The following AGPAT5 variants were observed in gnomAD, a reference collection of about 807,000 sequenced individuals.
AGPAT5 encodes 1-acylglycerol-3-phosphate O-acyltransferase 5.
In AGPAT5, 46 loss-of-function variants were observed where a neutral mutation model predicts 45.6. The observed-to-expected ratio is 1.01, with a 90% CI of 0.80 to 1.29. The LOEUF is 1.29. Ranked by LOEUF, AGPAT5 falls within the 50% of genes most tolerant of loss-of-function variation. The probability of loss-of-function intolerance (pLI) is 0.00; values close to 1 mark genes in which losing one functional copy is unlikely to be tolerated. For missense variants in AGPAT5, 673 were observed against 450.7 expected (o/e 1.49, Z -4.47); for synonymous variants, 272 against 167.0 (o/e 1.63, Z -4.85).
At chr8:6,717,708 C>T (rs28640978) in intron 1 of AGPAT5, among the ~76,000 whole-genome samples, 3,397 of 152,246 alleles carry the variant, frequency 0.022, 126 homozygotes, top group African/African-American at 0.078. Flanking sequence ...GTAGTTAACG[C>T]CAGCTCTTGG....
intron 4 of AGPAT5, 90 bp downstream of exon 4, chr8:6,732,740 G>T (rs147468529): frequency 2.6e-6 from 3 of 1,168,524 alleles, no homozygotes. Flanking sequence ...TTTTGACAAT[G>T]TATTTTCCCA....
In AGPAT5 at chr8:6,747,711, G is replaced by T; in HGVS notation, c.628G>T (p.Ala210Ser). 1 of 1,614,166 alleles carries T rather than the reference G, an allele frequency of 6.2e-7. No homozygotes were observed. Among genetic ancestry groups the T allele is most frequent in the Non-Finnish European group, 8.5e-7 (1 of 1,180,020 alleles). Residue 210 changes from alanine to serine, a missense_variant, in exon 6 of 8, where the codon GCA (alanine) becomes TCA (serine). By Grantham distance (99) the Ala-to-Ser change is moderately conservative. Coordinates refer to ENST00000285518, the MANE Select transcript of AGPAT5 (RefSeq NM_018361.5). Reference protein sequence around the residue: ...LKHVLTPRIKATHVAFDCMKN... With the variant: ...LKHVLTPRIKSTHVAFDCMKN... Reference sequence around the variant, plus strand: ...ACATGTGCTAACACCACGAATAAAGGCAACTCACGTTGCTTTTGATTGCAT... The same window carrying T: ...ACATGTGCTAACACCACGAATAAAGTCAACTCACGTTGCTTTTGATTGCAT...
chr8:6,757,096 G>C, intron 7 of AGPAT5, 67 bp from the exon 8 acceptor site: 2 of 1,230,578 alleles, frequency 1.6e-6, no homozygotes, highest in Non-Finnish European at 2.3e-6. Flanking sequence ...ATAGCTACCT[G>C]ATTGATATTT....
chr8:6,738,769 G>A (rs747411038), intron 4 of AGPAT5, among the ~76,000 whole-genome samples: 148 of 152,158 alleles, frequency 9.7e-4, no homozygotes, highest in Admixed American at 1.7e-3. Flanking sequence ...TTTTGAGTAC[G>A]TGTGTTTTTT....
At chr8:6,753,871 C>G (rs1308307253) in intron 6 of AGPAT5, among the ~76,000 whole-genome samples, 1 of 152,176 alleles carries the variant, frequency 6.6e-6, no homozygotes, top group East Asian at 1.9e-4. Context: ...CACCTAAATG[C>G]TGCATGTTAC....
intron 5 of AGPAT5, 134 bp downstream of exon 5, chr8:6,741,885 A>G: frequency 4.7e-6 from 3 of 632,452 alleles, no homozygotes; most frequent in South Asian, 2.1e-5. Flanking sequence ...TAGTGTACAT[A>G]TTATCTCTTA....
At chr8:6,733,290 C>A (rs116047087) in intron 4 of AGPAT5, among the ~76,000 whole-genome samples, 1 of 152,154 alleles carries the variant, frequency 6.6e-6, no homozygotes, top group Non-Finnish European at 1.5e-5. Flanking sequence ...AAGCTTAGCT[C>A]GTGTGCACAG....
chr8:6,733,656 T>C (rs1209484502), intron 4 of AGPAT5, among the ~76,000 whole-genome samples: 2 of 152,202 alleles, frequency 1.3e-5, no homozygotes, highest in Non-Finnish European at 2.9e-5. Context: ...TTGTGGTCAT[T>C]GCATGTAGGT....
chr8:6,745,726 T>C (rs1801424888), intron 5 of AGPAT5: 1 of 151,990 alleles, frequency 6.6e-6, no homozygotes, highest in Admixed American at 6.6e-5. Flanking sequence ...TTTTTTTTTT[T>C]AATGTGGATG....
At chr8:6,710,089 G>C (rs1800101161) in intron 1 of AGPAT5, among the ~76,000 whole-genome samples, 1 of 152,110 alleles carries the variant, frequency 6.6e-6, no homozygotes, top group South Asian at 2.1e-4. Flanking sequence ...ACTGGCCTGG[G>C]ATGGGATATA....
chr8:6,721,446 T>C (rs1243810455), intron 1 of AGPAT5, among the ~76,000 whole-genome samples: 1 of 152,242 alleles, frequency 6.6e-6, no homozygotes, highest in Non-Finnish European at 1.5e-5. Context: ...ATAAGAATAA[T>C]GACAGGTTAA....
At chr8:6,750,722 A>G (rs1587064584) in intron 6 of AGPAT5, among the ~76,000 whole-genome samples, 1 of 25,098 alleles carries the variant, frequency 4.0e-5, no homozygotes, top group Non-Finnish European at 7.3e-5. Context: ...TACAGGGGAT[A>G]CCTTTTTTTT....
At chr8:6,728,304 C>G (rs571336833) in intron 2 of AGPAT5, among the ~76,000 whole-genome samples, 1 of 152,336 alleles carries the variant, frequency 6.6e-6, no homozygotes, top group South Asian at 2.1e-4. Flanking sequence ...AATATAATCT[C>G]AGCTGTAACT....
chr8:6,747,544 G>T (rs1394542857), intron 5 of AGPAT5, 126 bp from the exon 6 acceptor site: 4 of 878,838 alleles, frequency 4.6e-6, no homozygotes, highest in Non-Finnish European at 5.1e-6. Flanking sequence ...CTAAATATAT[G>T]AGGTTGTGGA....
intron 2 of AGPAT5, 43 bp from the exon 3 acceptor site, chr8:6,730,668 T>C (rs769937996): frequency 1.5e-6 from 2 of 1,351,270 alleles, no homozygotes; most frequent in East Asian, 2.3e-5. Flanking sequence ...GTACAACCTG[T>C]GAAGAGCCTC....
chr8:6,755,503 A>T (rs1801805808), intron 7 of AGPAT5, among the ~76,000 whole-genome samples: 1 of 152,232 alleles, frequency 6.6e-6, no homozygotes, highest in Non-Finnish European at 1.5e-5. Flanking sequence ...GTCAGGTCAC[A>T]TAAAGTGGTG....
At chr8:6,728,011 C>G (rs1028144336) in intron 2 of AGPAT5, among the ~76,000 whole-genome samples, 1 of 152,184 alleles carries the variant, frequency 6.6e-6, no homozygotes, top group African/African-American at 2.4e-5. Flanking sequence ...AGTCATAGCT[C>G]ACCATTAGCA....
intron 2 of AGPAT5, among the ~76,000 whole-genome samples, chr8:6,730,246 A>G (rs1015806602): frequency 1.3e-5 from 2 of 151,724 alleles, no homozygotes; most frequent in African/African-American, 4.8e-5. Context: ...AAAAGCTCAA[A>G]AAACAGAAAA....
chr8:6,753,285 T>A (rs1371289529), intron 6 of AGPAT5, among the ~76,000 whole-genome samples: 1 of 152,154 alleles, frequency 6.6e-6, no homozygotes. Flanking sequence ...CGAAATGCAG[T>A]CTGTTCCATC....
Sources: gnomAD v4.1 joint callset for allele counts (sites outside exome capture counted in the v4.1 genomes callset) on GRCh38, gnomAD v4.1.1 for gene constraint, MANE v1.5 for transcripts, NCBI Gene and HGNC (gene_info 2026-07-23, HGNC 2026-07-21) for gene names.